ERBB4: variants seen among roughly 807,000 people sequenced by gnomAD.
The protein encoded by ERBB4 is receptor tyrosine-protein kinase erbB-4.
ERBB4 carries 42 observed loss-of-function variants against 158.0 expected under a neutral mutation model. The observed-to-expected ratio is 0.27, with a 90% CI of 0.21 to 0.34. The LOEUF (loss-of-function observed/expected upper bound fraction) is 0.34, where lower values mean the gene tolerates loss of function less well. ERBB4 is among the 10% of genes least tolerant of loss of function. ERBB4 has a pLI of 1.00. For synonymous variants in ERBB4, 583 were observed against 558.7 expected, an observed-to-expected ratio of 1.04 and a Z score of -0.61; for missense variants, 1,333 against 1,624.1, an observed-to-expected ratio of 0.82 and a Z score of 3.08.
chr2:212,410,368 G>C (rs971181939), intron 1 of ERBB4, among the ~76,000 whole-genome samples: 1 of 151,866 alleles, frequency 6.6e-6, no homozygotes, highest in African/African-American at 2.4e-5. Context: ...TTTTATTTTT[G>C]TAAAGAAACT....
chr2:211,787,454 G>A lies in ERBB4; in HGVS notation c.556+571C>T, dbSNP rs555954570. On this transcript the variant is annotated intron_variant, in intron 4 of 27. Transcript: ENST00000342788. ...CATTTTAAGAATGAGAAATTCAGTA[G>A]TTTATTCGACTAATGACTAAAATCA... Among the ~76,000 whole-genome samples, 33 of 152,244 alleles carry A rather than the reference G, an allele frequency of 2.2e-4. 1 individual carries two copies. Among genetic ancestry groups the A allele is most frequent in the South Asian group, 1.4e-3 (7 of 4,832 alleles).
At chr2:211,499,953 GA>G (rs35242491) in intron 20 of ERBB4, among the ~76,000 whole-genome samples, 24,032 of 151,990 alleles carry the variant, frequency 0.16, 2,281 homozygotes, top group East Asian at 0.38. Flanking sequence ...GATGACAAGA[GA>G]ATACTAAAGA....
intron 1 of ERBB4, among the ~76,000 whole-genome samples, chr2:212,277,362 G>T (rs1206087165): frequency 6.6e-6 from 1 of 151,662 alleles, no homozygotes; most frequent in Non-Finnish European, 1.5e-5. Flanking sequence ...TTTGATGTGT[G>T]TTTATTGAGC....
At chr2:211,727,941 G>C (rs1026411796) in intron 5 of ERBB4, among the ~76,000 whole-genome samples, 1 of 151,808 alleles carries the variant, frequency 6.6e-6, no homozygotes, top group Non-Finnish European at 1.5e-5. Context: ...TTATATCTGG[G>C]TTTGTGAACG....
At chr2:212,008,680 A>C (rs1170803759) in intron 2 of ERBB4, among the ~76,000 whole-genome samples, 1 of 152,142 alleles carries the variant, frequency 6.6e-6, no homozygotes, top group Non-Finnish European at 1.5e-5. Flanking sequence ...TGCTGGCTAC[A>C]TTAGATTAAT....
At chr2:211,717,485 C>T (rs992487331) in intron 7 of ERBB4, among the ~76,000 whole-genome samples, 1 of 152,072 alleles carries the variant, frequency 6.6e-6, no homozygotes, top group Non-Finnish European at 1.5e-5. Context: ...TGGATATGAA[C>T]GTGTTTCATA....
At chr2:212,362,022 T>C (rs900755892) in intron 1 of ERBB4, among the ~76,000 whole-genome samples, 1 of 151,688 alleles carries the variant, frequency 6.6e-6, no homozygotes, top group Non-Finnish European at 1.5e-5. Context: ...AAGTTTCACA[T>C]AGAAAGTTTT....
intron 1 of ERBB4, among the ~76,000 whole-genome samples, chr2:212,384,825 C>T (rs1505351): frequency 0.16 from 23,591 of 148,008 alleles, 2,140 homozygotes; most frequent in South Asian, 0.25. Context: ...TGAATTTCTA[C>T]ATGAGGGAAT....
intron 16 of ERBB4, among the ~76,000 whole-genome samples, chr2:211,649,589 A>G (rs2105878163): frequency 6.6e-6 from 1 of 152,010 alleles, no homozygotes; most frequent in South Asian, 2.1e-4. Flanking sequence ...AGGAAAAAAC[A>G]TGGTGTTTTT....
intron 20 of ERBB4, among the ~76,000 whole-genome samples, chr2:211,462,626 G>A (rs959791731): frequency 5.9e-5 from 9 of 152,044 alleles, no homozygotes; most frequent in African/African-American, 2.2e-4. Context: ...TTGTTTAAGC[G>A]AGCTTGTTCC....
At chr2:211,607,226 C>G (rs981015588) in intron 19 of ERBB4, among the ~76,000 whole-genome samples, 2 of 152,126 alleles carry the variant, frequency 1.3e-5, no homozygotes, top group Non-Finnish European at 1.5e-5. Flanking sequence ...TTATTTCTGA[C>G]CATAAATCCC....
chr2:212,514,096 C>T (rs987341662), intron 1 of ERBB4, among the ~76,000 whole-genome samples: 1 of 151,648 alleles, frequency 6.6e-6, no homozygotes, highest in Non-Finnish European at 1.5e-5. Flanking sequence ...CATTTTGTTC[C>T]AATTCACTTT....
chr2:212,226,985 C>G (rs369227945), intron 1 of ERBB4, among the ~76,000 whole-genome samples: 45 of 152,220 alleles, frequency 3.0e-4, no homozygotes, highest in Middle Eastern at 6.8e-3. Flanking sequence ...ATGGCTCACG[C>G]CTGTAATCCT....
At position 211,378,803 on chromosome 2, in the gene ERBB4, C is replaced by T. The variant is rs759795147; in HGVS notation, c.*4812G>A. 2 of 232,526 alleles carry T rather than the reference C, an allele frequency of 8.6e-6. No individual in the cohort carries two copies. The highest frequency in any genetic ancestry group is 1.2e-3 in the Middle Eastern group (1 of 806). The allele number at this position is 232,526 out of a possible 1,614,324, so 14.4% of individuals were successfully genotyped here. A position where few individuals can be genotyped will look rare whatever the true frequency, so the allele number is the denominator to read the frequency against. ...GGCAAGGCTGTCCTTCAAACTGATA[C>T]ACACCGAAGTCCATGTACACAAACA... On this transcript the variant is annotated 3_prime_UTR_variant, in exon 28 of 28. Transcript: ENST00000342788.
At chr2:211,575,988 T>A (rs1574786315) in intron 19 of ERBB4, among the ~76,000 whole-genome samples, 1 of 152,320 alleles carries the variant, frequency 6.6e-6, no homozygotes, top group African/African-American at 2.4e-5. Flanking sequence ...GTTTTTATAT[T>A]AAATATTAAT....
intron 2 of ERBB4, among the ~76,000 whole-genome samples, chr2:212,021,742 A>G (rs1217672659): frequency 6.6e-6 from 1 of 152,168 alleles, no homozygotes; most frequent in Non-Finnish European, 1.5e-5. Context: ...TAAACTAAAA[A>G]GCTTCTGCAA....
At chr2:212,376,603 A>G (rs886079354) in intron 1 of ERBB4, among the ~76,000 whole-genome samples, 1 of 152,018 alleles carries the variant, frequency 6.6e-6, no homozygotes, top group African/African-American at 2.4e-5. Context: ...TCCAACTTAC[A>G]GTCCTGATCT....
chr2:211,968,289 A>T (rs368865425), intron 2 of ERBB4, among the ~76,000 whole-genome samples: 3 of 152,176 alleles, frequency 2.0e-5, no homozygotes, highest in East Asian at 3.9e-4. Flanking sequence ...TTAGGGGCAT[A>T]GTTCATGAAA....
chr2:211,770,562 G>A (rs567458433), intron 4 of ERBB4, among the ~76,000 whole-genome samples: 4 of 152,118 alleles, frequency 2.6e-5, no homozygotes, highest in Non-Finnish European at 5.9e-5. Flanking sequence ...ATATTTTAGT[G>A]AAAATGCTTG....
Sources: allele counts gnomAD v4.1 joint callset (sites outside exome capture counted in the v4.1 genomes callset), GRCh38; gene constraint gnomAD v4.1.1; transcripts MANE v1.5; gene names NCBI Gene and HGNC (gene_info 2026-07-23, HGNC 2026-07-21).